The following DLG1 variants were observed in gnomAD, a reference collection of about 807,000 sequenced individuals.
DLG1 encodes disks large homolog 1.
Under a neutral mutation model 123.4 loss-of-function variants are expected in DLG1, and 42 were observed. That is an observed-to-expected ratio of 0.34 (90% CI 0.27 to 0.44). DLG1 has a LOEUF of 0.44. DLG1 is among the 20% of genes least tolerant of loss of function. The pLI, the probability that DLG1 is intolerant of heterozygous loss-of-function variation, is 1.00. For synonymous variants in DLG1, 317 were observed against 356.2 expected (o/e 0.89, Z 1.24); for missense variants, 942 against 1,082.6 (o/e 0.87, Z 1.82).
At chr3:197,088,607 C>T (rs1355342178) in intron 15 of DLG1, among the ~76,000 whole-genome samples, 1 of 152,036 alleles carries the variant, frequency 6.6e-6, no homozygotes, top group Non-Finnish European at 1.5e-5. Flanking sequence ...AGAATAATGG[C>T]AAAAGGGAAG....
intron 15 of DLG1, among the ~76,000 whole-genome samples, chr3:197,090,224 G>A (rs992719648): frequency 1.3e-5 from 2 of 151,072 alleles, no homozygotes; most frequent in African/African-American, 4.9e-5. Flanking sequence ...GTATAATAAA[G>A]TTATCAGTTA....
intron 10 of DLG1, among the ~76,000 whole-genome samples, chr3:197,132,544 C>CA (rs1466181987): frequency 6.3e-4 from 96 of 152,126 alleles, no homozygotes; most frequent in African/African-American, 2.3e-3. Context: ...CATTACCATG[C>CA]AAAGCAAGGA....
intron 4 of DLG1, among the ~76,000 whole-genome samples, chr3:197,262,621 C>G (rs1459691103): frequency 1.3e-5 from 2 of 152,160 alleles, no homozygotes; most frequent in Admixed American, 6.5e-5. Context: ...AGCCCCCAAC[C>G]TGTGGGATCT....
At chr3:197,142,570 T>C in intron 7 of DLG1, 148 bp downstream of exon 7, 1 of 473,094 alleles carries the variant, frequency 2.1e-6, no homozygotes, top group Non-Finnish European at 3.6e-6. Context: ...AGGCAAATGT[T>C]TTGAAAATAC....
intron 4 of DLG1, among the ~76,000 whole-genome samples, chr3:197,220,400 A>G (rs1310891116): frequency 6.6e-6 from 1 of 152,310 alleles, no homozygotes; most frequent in African/African-American, 2.4e-5. Context: ...AATTTCAAAA[A>G]TAAGTACATT....
In DLG1 at chr3:197,119,471, C is replaced by T; in HGVS notation, c.1225G>A (p.Ala409Thr). Residue 409 changes from alanine to threonine, a missense_variant, in exon 12 of 25, where the codon GCA becomes ACA. Ala to Thr is a moderately conservative substitution (Grantham distance 58). Transcript: ENST00000667157. The part of the protein sequence containing the change: ...SPSSFLGQTP[A>T]SPARYSPVSK... ...ACTGGGGAGTATCTGGCTGGAGATGCTGGTGTCTGGCCCAAGAAGGAAGAT... is the reference window on the plus strand; with the variant it reads ...ACTGGGGAGTATCTGGCTGGAGATGTTGGTGTCTGGCCCAAGAAGGAAGAT... The T allele has an allele frequency of 1.9e-6, 3 of 1,611,800 alleles. No individual in the cohort carries two copies. Among genetic ancestry groups the T allele is most frequent in the Non-Finnish European group, 1.7e-6 (2 of 1,178,394 alleles).
chr3:197,047,929 T>C (rs1724514320), intron 24 of DLG1, among the ~76,000 whole-genome samples: 1 of 152,096 alleles, frequency 6.6e-6, no homozygotes, highest in Non-Finnish European at 1.5e-5. Flanking sequence ...ATAAAAAATC[T>C]ACACAGCAAA....
At chr3:197,096,275 CTCTCT>C (rs878979230) in intron 14 of DLG1, among the ~76,000 whole-genome samples, 10 of 152,194 alleles carry the variant, frequency 6.6e-5, no homozygotes, top group Non-Finnish European at 1.2e-4. Context: ...ATATTTGTAA[CTCTCT>C]TCTCAACAGT....
intron 22 of DLG1, among the ~76,000 whole-genome samples, chr3:197,063,125 C>T (rs2148855783): frequency 6.6e-6 from 1 of 151,340 alleles, no homozygotes; most frequent in South Asian, 2.1e-4. Context: ...CTTCTCCCCT[C>T]TTCAATGTAG....
At chr3:197,144,608 C>CT (rs1789752216) in intron 6 of DLG1, among the ~76,000 whole-genome samples, 1 of 152,136 alleles carries the variant, frequency 6.6e-6, no homozygotes, top group African/African-American at 2.4e-5. Flanking sequence ...AGCTACTTTG[C>CT]TTTCTTAACC....
In DLG1 at chr3:197,092,577, T is replaced by A. The variant is rs190421617; in HGVS notation, c.1547-1551A>T. 2.0e-3 allele frequency among the ~76,000 whole-genome samples: 302 copies of A among 152,260 alleles called. 2 individuals carry two copies. Among genetic ancestry groups the A allele is most frequent in the Middle Eastern group, 6.8e-3 (2 of 294 alleles). On this transcript the variant is annotated intron_variant, in intron 14 of 24. Transcript: ENST00000667157. The stretch of plus-strand genomic sequence containing the variant: ...CTACAGTGGCACAAGCATAGTTCAC[T>A]GCAGGCTTGAGCTCCTGGGCTCAAG...
At chr3:197,241,198 C>A (rs1284683445) in intron 4 of DLG1, among the ~76,000 whole-genome samples, 1 of 152,046 alleles carries the variant, frequency 6.6e-6, no homozygotes, top group African/African-American at 2.4e-5. Context: ...TGTATGACAA[C>A]AGACTTCTCA....
intron 10 of DLG1, among the ~76,000 whole-genome samples, chr3:197,134,898 G>T (rs368412275): frequency 3.9e-5 from 6 of 152,228 alleles, no homozygotes; most frequent in African/African-American, 1.4e-4. Context: ...TAACCCCTAG[G>T]GGGTAGACAA....
At chr3:197,297,832 G>T in intron 1 of DLG1, 2 of 985,244 alleles carry the variant, frequency 2.0e-6, no homozygotes, top group South Asian at 9.4e-5. Flanking sequence ...GCTCGGAACT[G>T]GGGTGCGCCC....
At chr3:197,107,203 TC>T (rs1397087101) in intron 13 of DLG1, among the ~76,000 whole-genome samples, 1 of 152,176 alleles carries the variant, frequency 6.6e-6, no homozygotes, top group East Asian at 1.9e-4. Context: ...AGTACTTCAT[TC>T]CTTATATTTA....
chr3:197,250,755 G>A (rs1753991208), intron 4 of DLG1, among the ~76,000 whole-genome samples: 1 of 151,826 alleles, frequency 6.6e-6, no homozygotes, highest in African/African-American at 2.4e-5. Flanking sequence ...AGCACTTTGG[G>A]AGGCTGAGGT....
intron 4 of DLG1, among the ~76,000 whole-genome samples, chr3:197,211,564 C>G (rs1460575290): frequency 6.8e-6 from 1 of 146,254 alleles, no homozygotes; most frequent in Non-Finnish European, 1.5e-5. Context: ...GAGATACCAT[C>G]TCCCACCTGT....
At chr3:197,243,188 CTAGATTTAGCATT>C (rs1338691131) in intron 4 of DLG1, among the ~76,000 whole-genome samples, 1 of 152,098 alleles carries the variant, frequency 6.6e-6, no homozygotes. Flanking sequence ...TTCCGACTGA[CTAGATTTAGCATT>C]TAGAAAAGGA....
At chr3:197,179,146 T>C (rs748250297) in intron 5 of DLG1, among the ~76,000 whole-genome samples, 2 of 152,004 alleles carry the variant, frequency 1.3e-5, no homozygotes, top group Non-Finnish European at 2.9e-5. Context: ...AGTCTGCGAG[T>C]TGGTATAGAG....
Sources: gnomAD v4.1 joint callset for allele counts (sites outside exome capture counted in the v4.1 genomes callset) on GRCh38, gnomAD v4.1.1 for gene constraint, MANE v1.5 for transcripts, NCBI Gene and HGNC (gene_info 2026-07-23, HGNC 2026-07-21) for gene names.